STK38L: variants seen among roughly 807,000 people sequenced by gnomAD.
STK38L encodes the protein serine/threonine kinase 38 like, also known as serine/threonine-protein kinase 38-like.
STK38L carries 28 observed loss-of-function variants against 59.7 expected under a neutral mutation model. That is an observed-to-expected ratio of 0.47 (90% CI 0.35 to 0.64). The LOEUF is 0.64. Ranked by LOEUF, STK38L falls within the 30% of genes least tolerant of loss-of-function variation. The pLI is 0.01. For missense variants in STK38L, 314 were observed against 555.8 expected (o/e 0.56, Z 4.37); for synonymous variants, 162 against 176.8 (o/e 0.92, Z 0.66).
chr12:27,302,809 A>G (rs1480054651), intron 3 of STK38L, among the ~76,000 whole-genome samples: 3 of 151,770 alleles, frequency 2.0e-5, no homozygotes, highest in African/African-American at 4.8e-5. Flanking sequence ...TCACGAGGTC[A>G]GGAGATCGAG....
At chr12:27,259,744 C>A (rs1046931071) in intron 1 of STK38L, among the ~76,000 whole-genome samples, 2 of 152,186 alleles carry the variant, frequency 1.3e-5, no homozygotes, top group African/African-American at 2.4e-5. Context: ...CTCTTCCAGA[C>A]ATAAATTCAA....
chr12:27,319,708 A>G (rs1319221826), intron 12 of STK38L, among the ~76,000 whole-genome samples: 1 of 152,224 alleles, frequency 6.6e-6, no homozygotes, highest in East Asian at 1.9e-4. Flanking sequence ...ATGTATTTAC[A>G]TTTCACACAG....
intron 1 of STK38L, among the ~76,000 whole-genome samples, chr12:27,258,609 G>A (rs1225563090): frequency 1.3e-5 from 2 of 152,200 alleles, no homozygotes; most frequent in African/African-American, 2.4e-5. Context: ...GATTATAGGC[G>A]TGAGCCCCCG....
Position 27,312,603 on chromosome 12 carries a change from G to A in STK38L, c.448G>A (p.Val150Met), listed in dbSNP as rs1944482362. ...TTTGGTAGAAGCAGATGGTGCCTGG[G>A]TGGTGAAGATGTTTTACAGTTTTCA... is the stretch of plus-strand genomic sequence containing the variant. ...DILVEADGAW[V>M]VKMFYSFQDK... The change falls in exon 6 of 14, where the codon GTG (valine) becomes ATG (methionine). Residue 150 changes from valine to methionine, a missense_variant. Val to Met is a conservative substitution (Grantham distance 21). Coordinates refer to ENST00000389032, the MANE Select transcript of STK38L (RefSeq NM_015000.4). 1.2e-6 allele frequency: 2 copies of A among 1,613,984 alleles called. No homozygotes were observed. The highest frequency in any genetic ancestry group is 8.5e-7 in the Non-Finnish European group (1 of 1,180,012).
Position 27,253,826 on chromosome 12 carries a change from G to A in STK38L, c.-12+9494G>A, listed in dbSNP as rs139435617. ...GGCCACAGGAACCGGAATTGTTGCC[G>A]TGATGCTGGACAGGAGCAATGAACT... On this transcript the variant is annotated intron_variant, in intron 1 of 13. Coordinates refer to ENST00000389032, the MANE Select transcript of STK38L (RefSeq NM_015000.4). 4.7e-3 allele frequency among the ~76,000 whole-genome samples: 714 copies of A among 152,314 alleles called. 4 individuals are homozygous for A. The highest frequency in any genetic ancestry group is 6.8e-3 in the Middle Eastern group (2 of 294).
intron 1 of STK38L, among the ~76,000 whole-genome samples, chr12:27,270,597 C>T (rs576822270): frequency 4.3e-4 from 66 of 152,198 alleles, no homozygotes; most frequent in South Asian, 8.3e-4. Context: ...AGGCTGGTCT[C>T]GAGCTCCTGA....
At chr12:27,267,731 T>C (rs528196021) in intron 1 of STK38L, among the ~76,000 whole-genome samples, 1,303 of 42,584 alleles carry the variant, frequency 0.031, 12 homozygotes, top group Non-Finnish European at 0.06. Context: ...CCATTGTTCT[T>C]CCTCATTCGA....
At chr12:27,248,137 C>G (rs1300995105) in intron 1 of STK38L, among the ~76,000 whole-genome samples, 4 of 152,138 alleles carry the variant, frequency 2.6e-5, no homozygotes, top group Admixed American at 1.3e-4. Flanking sequence ...TTTTAAACCA[C>G]TTGGCACTGG....
chr12:27,314,560 T>G lies in STK38L; in HGVS notation c.574T>G (p.Phe192Val). 1 of 1,607,260 alleles carries G rather than the reference T, an allele frequency of 6.2e-7. No individual in the cohort carries two copies. Among genetic ancestry groups the G allele is most frequent in the Non-Finnish European group, 8.5e-7 (1 of 1,176,802 alleles). ...CACCTTGACAGAAGAGGAAACACAG[T>G]TCTACATTTCAGAGACTGTTCTGGC... ...KDTLTEEETQ[F>V]YISETVLAID... The change falls in exon 7 of 14, where the codon TTC (phenylalanine) becomes GTC (valine). Residue 192 changes from phenylalanine (F) to valine (V), a missense_variant. Coordinates refer to ENST00000389032, the MANE Select transcript of STK38L (RefSeq NM_015000.4).
intron 1 of STK38L, among the ~76,000 whole-genome samples, chr12:27,295,372 G>C (rs1943992475): frequency 6.6e-6 from 1 of 152,194 alleles, no homozygotes; most frequent in South Asian, 2.1e-4. Context: ...TGAGTTAAGG[G>C]TGTTCTGGTG....
chr12:27,272,200 A>G (rs1351613770), intron 1 of STK38L, among the ~76,000 whole-genome samples: 2 of 152,214 alleles, frequency 1.3e-5, no homozygotes, highest in African/African-American at 4.8e-5. Context: ...AGGTCAATTC[A>G]TTTACTCTAA....
At chr12:27,301,884 A>G (rs1358505579) in intron 2 of STK38L, among the ~76,000 whole-genome samples, 3 of 152,206 alleles carry the variant, frequency 2.0e-5, no homozygotes, top group Admixed American at 6.5e-5. Flanking sequence ...CATTGCCAAC[A>G]TTTCATTTAG....
rs144154911 is a variant in STK38L, at chr12:27,265,224, C to T, written c.-12+20892C>T. Among the ~76,000 whole-genome samples, 120 of 152,216 alleles carry T rather than the reference C, an allele frequency of 7.9e-4. No homozygotes were observed. The Middle Eastern group carries it at 0.014, about 17-fold the overall frequency. Reference sequence around the variant, plus strand: ...AGATTTGACTAAAGATATGGCTTTCCTTCCGCTTGTTTTCTTATGCATATA... The same window carrying T: ...AGATTTGACTAAAGATATGGCTTTCTTTCCGCTTGTTTTCTTATGCATATA... On this transcript the variant is annotated intron_variant, in intron 1 of 13. Coordinates refer to ENST00000389032, the MANE Select transcript of STK38L (RefSeq NM_015000.4).
intron 1 of STK38L, among the ~76,000 whole-genome samples, chr12:27,261,251 G>A (rs73083056): frequency 6.6e-6 from 1 of 152,292 alleles, no homozygotes; most frequent in Non-Finnish European, 1.5e-5. Context: ...CCCAAAAGTT[G>A]AAGTCCCCAT....
In STK38L at chr12:27,323,216, A is replaced by G. The variant is rs1944771114; in HGVS notation, c.*761A>G. 2 of 152,190 alleles carry G rather than the reference A, an allele frequency of 1.3e-5. 1 individual carries two copies. Among genetic ancestry groups the G allele is most frequent in the African/African-American group, 4.8e-5 (2 of 41,462 alleles). The allele number at this position is 152,190 out of a possible 1,614,324, so 9.4% of individuals were successfully genotyped here. On this transcript the variant is annotated 3_prime_UTR_variant, in exon 14 of 14. Transcript: ENST00000389032. ...CATAGGGAGATGTACTGTATTATAT[A>G]ACATGTAAAGTTGATTTTCTTGTGA...
chr12:27,264,849 A>G (rs1238905514), intron 1 of STK38L, among the ~76,000 whole-genome samples: 1 of 152,214 alleles, frequency 6.6e-6, no homozygotes, highest in African/African-American at 2.4e-5. Flanking sequence ...GTTATCTGTA[A>G]AAAAATGTTT....
intron 9 of STK38L, among the ~76,000 whole-genome samples, chr12:27,317,092 A>G (rs2136651391): frequency 6.6e-6 from 1 of 152,232 alleles, no homozygotes; most frequent in East Asian, 1.9e-4. Flanking sequence ...TTGTTCAACT[A>G]AGTGATGAAA....
chr12:27,283,494 A>G (rs760340952), intron 1 of STK38L, among the ~76,000 whole-genome samples: 14 of 152,324 alleles, frequency 9.2e-5, no homozygotes, highest in Non-Finnish European at 1.6e-4. Flanking sequence ...TTTTATAGAT[A>G]AGAACACTGA....
In STK38L at chr12:27,247,509, A is replaced by T. The variant is rs1349300075; in HGVS notation, c.-12+3177A>T. On this transcript the variant is annotated intron_variant, in intron 1 of 13. Coordinates refer to ENST00000389032, the MANE Select transcript of STK38L (RefSeq NM_015000.4). ...TATTTTTGACATGTTATTTTAATCC[A>T]TTTTTGGAAGTTATTCTTGGTGCAG... Among the ~76,000 whole-genome samples, 4 of 152,160 alleles carry T rather than the reference A, an allele frequency of 2.6e-5. No homozygotes were observed. In the East Asian group the frequency reaches 7.7e-4, roughly 29 times the overall value.
Sources: gnomAD v4.1 joint callset for allele counts (sites outside exome capture counted in the v4.1 genomes callset) on GRCh38, gnomAD v4.1.1 for gene constraint, MANE v1.5 for transcripts, NCBI Gene and HGNC (gene_info 2026-07-23, HGNC 2026-07-21) for gene names.